RABL6: variants seen among roughly 807,000 people sequenced by gnomAD.
The protein encoded by RABL6 is rab-like protein 6.
Under a neutral mutation model 72.9 loss-of-function variants are expected in RABL6, and 28 were observed. The observed-to-expected ratio is 0.38, with a 90% confidence interval of 0.28 to 0.53. The LOEUF is 0.53. Among genes scored for constraint, RABL6 ranks in the 20% least tolerant of loss-of-function variants. The probability of loss-of-function intolerance (pLI) is 0.80; values close to 1 mark genes in which losing one functional copy is unlikely to be tolerated. For missense variants in RABL6, 1,029 were observed against 1,008.4 expected (o/e 1.02, Z -0.28); for synonymous variants, 477 against 421.2 (o/e 1.13, Z -1.62).
chr9:136,824,423 C>T (rs1418484944), intron 2 of RABL6, among the ~76,000 whole-genome samples: 4 of 143,628 alleles, frequency 2.8e-5, no homozygotes, highest in Non-Finnish European at 6.1e-5. Flanking sequence ...CTCCGCCTCC[C>T]GGGTTCAAGC....
intron 1 of RABL6, among the ~76,000 whole-genome samples, chr9:136,811,802 T>C (rs1176432841): frequency 6.6e-6 from 1 of 152,072 alleles, no homozygotes; most frequent in Non-Finnish European, 1.5e-5. Flanking sequence ...AGATTATGTT[T>C]CTTATCAGAC....
intron 1 of RABL6, among the ~76,000 whole-genome samples, chr9:136,819,978 G>A (rs892866825): frequency 5.3e-5 from 8 of 152,128 alleles, no homozygotes; most frequent in South Asian, 2.1e-4. Context: ...CAAGATGGGC[G>A]GATTGCCTGA....
chr9:136,825,695 C>T (rs747305932), intron 2 of RABL6, 84 bp from the exon 3 acceptor site: 14 of 1,475,608 alleles, frequency 9.5e-6, no homozygotes, highest in Non-Finnish European at 1.2e-5. Flanking sequence ...CTGCGGGGCA[C>T]AGACAACCAC....
intron 1 of RABL6, chr9:136,813,631 T>C (rs1848059030): frequency 3.6e-6 from 1 of 279,658 alleles, no homozygotes; most frequent in Admixed American, 4.4e-5. Context: ...TTTTTGTTTT[T>C]TGAGCCAGAG....
At chr9:136,817,891 G>T (rs577577879) in intron 1 of RABL6, among the ~76,000 whole-genome samples, 1 of 151,818 alleles carries the variant, frequency 6.6e-6, no homozygotes, top group African/African-American at 2.4e-5. Flanking sequence ...GTGAAACGCT[G>T]TCTCTACTGA....
chr9:136,832,973 G>A, intron 7 of RABL6: 2 of 336,514 alleles, frequency 5.9e-6, no homozygotes, highest in South Asian at 4.6e-5. Context: ...ATTGGGTCTG[G>A]GGGACCTGAA....
chr9:136,809,312 C>A, intron 1 of RABL6: 1 of 177,984 alleles, frequency 5.6e-6, no homozygotes, highest in Non-Finnish European at 1.3e-5. Context: ...GCCGTAGTTC[C>A]TGGGGCTGGA....
In RABL6 at chr9:136,839,338, G is replaced by A. The variant is rs755056390; in HGVS notation, c.1610G>A (p.Arg537Lys). Reference protein sequence around the residue: ...RTGPEKRSSTRPPAEMEPGKG... With the variant: ...RTGPEKRSSTKPPAEMEPGKG... The stretch of plus-strand genomic sequence containing the variant: ...GGTCCGGAGAAGCGCAGCAGCACCA[G>A]GCCCCCTGCTGAGATGGAGCCGGGG... The change falls in exon 12 of 15, where the codon AGG becomes AAG. Residue 537 changes from arginine to lysine, a missense_variant. By Grantham distance (26) the Arg-to-Lys change is conservative. Around this residue, in one of 2 missense-constraint regions of RABL6, gnomAD observed 595 missense variants for 472.4 expected, o/e 1.26. Transcript: ENST00000311502. 6.2e-7 allele frequency: 1 copy of A among 1,612,720 alleles called. No individual in the cohort carries two copies. Among genetic ancestry groups the A allele is most frequent in the Non-Finnish European group, 8.5e-7 (1 of 1,179,802 alleles).
intron 1 of RABL6, among the ~76,000 whole-genome samples, chr9:136,822,778 C>T (rs776902901): frequency 6.6e-6 from 1 of 152,212 alleles, no homozygotes; most frequent in Non-Finnish European, 1.5e-5. Context: ...GCAGGCCCCG[C>T]GTTCTGCAGA....
At position 136,838,165 on chromosome 9, in the gene RABL6, G is replaced by T. The variant is rs138501678; in HGVS notation, c.1280+150G>T. The T allele has an allele frequency of 2.2e-3, 2,294 of 1,055,148 alleles. 49 individuals carry two copies. In the East Asian group the frequency reaches 0.043, roughly 20 times the overall value. 65.4% of individuals were successfully genotyped at this position (1,055,148 alleles called of 1,614,324 possible). ...AGGACAGAGCAGCTCTGTGGCTGGAGCAGACGAGGGAAGGGCTTGGACGGG... is the reference window on the plus strand; with the variant it reads ...AGGACAGAGCAGCTCTGTGGCTGGATCAGACGAGGGAAGGGCTTGGACGGG... On this transcript the variant is annotated intron_variant, in intron 10 of 14. Coordinates refer to ENST00000311502, the MANE Select transcript of RABL6 (RefSeq NM_024718.5).
chr9:136,839,697 G>T lies in RABL6; in HGVS notation c.1762G>T (p.Asp588Tyr). ...EGSDTQRRAD[D>Y]FPVRDDPSDV... ...CCAGTTGCTCTCCCTGCTCCAGGAT[G>T]ACTTTCCCGTGCGAGATGACCCCTC... Residue 588 changes from aspartate (D) to tyrosine (Y), a missense_variant, in exon 13 of 15, where the codon GAC becomes TAC. Physicochemically the swap from Asp to Tyr is radical, Grantham distance 160 (BLOSUM62 -3). Coordinates refer to ENST00000311502, the MANE Select transcript of RABL6 (RefSeq NM_024718.5). 1 of 1,581,854 alleles carries T rather than the reference G, an allele frequency of 6.3e-7. No individual in the cohort carries two copies. Among genetic ancestry groups the T allele is most frequent in the Non-Finnish European group, 8.6e-7 (1 of 1,160,742 alleles).
intron 1 of RABL6, among the ~76,000 whole-genome samples, chr9:136,822,898 C>T (rs1014875535): frequency 1.3e-5 from 2 of 152,118 alleles, no homozygotes; most frequent in East Asian, 3.9e-4. Context: ...ACCACCCTGG[C>T]TAACACGGTG....
rs1848348786 is a variant in RABL6 at position 136,826,023 on chromosome 9, C to T, written c.313+197C>T. On this transcript the variant is annotated intron_variant, in intron 3 of 14. Coordinates refer to ENST00000311502, the MANE Select transcript of RABL6 (RefSeq NM_024718.5). The surrounding 1 kb of genome is among the most constrained non-coding windows in gnomAD (Gnocchi z 4.9). ...GCAGCCCCTCCTGTGGCACTGCATG[C>T]TTTGCTGCTTTAGCATACTCCCCGT... Among the ~76,000 whole-genome samples, 1 of 152,208 alleles carries T rather than the reference C, an allele frequency of 6.6e-6. No individual in the cohort carries two copies. The highest frequency in any genetic ancestry group is 6.5e-5 in the Admixed American group (1 of 15,288).
At position 136,839,370 on chromosome 9, in the gene RABL6, G is replaced by A. The variant is rs2131207191; in HGVS notation, c.1642G>A (p.Glu548Lys). 6.2e-7 allele frequency: 1 copy of A among 1,612,664 alleles called. No homozygotes were observed. The highest frequency in any genetic ancestry group is 8.5e-7 in the Non-Finnish European group (1 of 1,179,762). The change falls in exon 12 of 15, where the codon GAG (glutamate) becomes AAG (lysine). Residue 548 changes from glutamate to lysine, a missense_variant. This residue lies in a region of RABL6 where 595 missense variants were observed against 472.4 expected (regional missense o/e 1.26). Transcript: ENST00000311502. ...PPAEMEPGKG[E>K]QASSSESDPE... Reference sequence around the variant, plus strand: ...TGCTGAGATGGAGCCGGGGAAGGGTGAGCAGGCCTCCTCGTCGGAGAGTGA... The same window carrying A: ...TGCTGAGATGGAGCCGGGGAAGGGTAAGCAGGCCTCCTCGTCGGAGAGTGA...
chr9:136,823,792 G>A, intron 2 of RABL6, 133 bp downstream of exon 2: 1 of 1,232,452 alleles, frequency 8.1e-7, no homozygotes, highest in East Asian at 2.7e-5. Context: ...TGCTGACGTG[G>A]GGGCCCTGGC....
chr9:136,825,692 G>A (rs572379152), intron 2 of RABL6, 87 bp from the exon 3 acceptor site: 25 of 1,436,484 alleles, frequency 1.7e-5, no homozygotes, highest in Non-Finnish European at 2.5e-5. Flanking sequence ...TGGCTGCGGG[G>A]CACAGACAAC....
rs1014418283 is a variant in RABL6, at chr9:136,808,005, G to A, written c.-192G>A. Reference sequence around the variant, plus strand: ...CGCCGGAGGCCGCGGGGGCCGGAGCGGAGCAGCCGCGGCTGAGGTTCCCGA... The same window carrying A: ...CGCCGGAGGCCGCGGGGGCCGGAGCAGAGCAGCCGCGGCTGAGGTTCCCGA... On this transcript the variant is annotated 5_prime_UTR_variant, in exon 1 of 15. Transcript: ENST00000311502. 4 of 1,021,906 alleles carry A rather than the reference G, an allele frequency of 3.9e-6. No homozygotes were observed. The Admixed American group carries it at 1.7e-4, about 44-fold the overall frequency. 63.3% of individuals were successfully genotyped at this position (1,021,906 alleles called of 1,614,324 possible).
intron 1 of RABL6, chr9:136,821,432 C>G: frequency 4.1e-6 from 4 of 985,440 alleles, no homozygotes; most frequent in Non-Finnish European, 4.8e-6. Flanking sequence ...GGCAGGGCCG[C>G]CGCTCAGGCC....
At chr9:136,834,437 C>A (rs1848546215) in intron 7 of RABL6, 1 of 985,924 alleles carries the variant, frequency 1.0e-6, no homozygotes. Context: ...CTTTGTAAAT[C>A]ACATTTTTTT....
Sources: allele counts gnomAD v4.1 joint callset (sites outside exome capture counted in the v4.1 genomes callset), GRCh38; gene constraint gnomAD v4.1.1; regional missense constraint gnomAD v4.1.1; non-coding constraint Gnocchi (gnomAD v3.1); transcripts MANE v1.5; gene names NCBI Gene and HGNC (gene_info 2026-07-23, HGNC 2026-07-21).